MAML3: variants seen among roughly 807,000 people sequenced by gnomAD.
MAML3 encodes the protein mastermind like transcriptional coactivator 3.
In MAML3, 27 loss-of-function variants were observed where a neutral mutation model predicts 101.9. The ratio of observed to expected loss-of-function variants is 0.27; its 90% confidence interval spans 0.20 to 0.37. The LOEUF is 0.37. Ranked by LOEUF, MAML3 falls within the 10% of genes least tolerant of loss-of-function variation. The probability of loss-of-function intolerance (pLI) is 1.00; values close to 1 mark genes in which losing one functional copy is unlikely to be tolerated. For missense variants in MAML3, 1,316 were observed against 1,444.9 expected (o/e 0.91, Z 1.45); for synonymous variants, 501 against 555.9 (o/e 0.90, Z 1.39).
chr4:140,051,116 T>A lies in MAML3; in HGVS notation c.468+101744A>T, dbSNP rs181944601. Reference sequence around the variant, plus strand: ...TACTTCTCTGAAGGCATAGCAAAAATTCCTCTATGTTGAGGACAATATCTA... The same window carrying A: ...TACTTCTCTGAAGGCATAGCAAAAAATCCTCTATGTTGAGGACAATATCTA... On this transcript the variant is annotated intron_variant, in intron 1 of 4. Coordinates refer to ENST00000509479, the MANE Select transcript of MAML3 (RefSeq NM_018717.5). Among the ~76,000 whole-genome samples, 233 of 152,278 alleles carry A rather than the reference T, an allele frequency of 1.5e-3. 1 individual carries two copies. The highest frequency in any genetic ancestry group is 5.2e-3 in the African/African-American group (218 of 41,562).
intron 2 of MAML3, among the ~76,000 whole-genome samples, chr4:139,748,470 C>T (rs953835915): frequency 6.6e-6 from 1 of 152,074 alleles, no homozygotes. Flanking sequence ...AACATCAAAA[C>T]GTACAACAAG....
At chr4:140,025,343 G>A (rs898435958) in intron 1 of MAML3, among the ~76,000 whole-genome samples, 2 of 152,162 alleles carry the variant, frequency 1.3e-5, no homozygotes, top group Admixed American at 6.5e-5. Flanking sequence ...AAAAGAGGGA[G>A]ACGACAGATG....
intron 1 of MAML3, among the ~76,000 whole-genome samples, chr4:139,909,784 C>T (rs1032570276): frequency 7.3e-6 from 1 of 137,132 alleles, no homozygotes; most frequent in African/African-American, 2.6e-5. Flanking sequence ...TTGTGGTGAG[C>T]CGAGATCACC....
chr4:139,823,241 G>A lies in MAML3; in HGVS notation c.2079+66116C>T, dbSNP rs867647929. Among the ~76,000 whole-genome samples, 9 of 152,290 alleles carry A rather than the reference G, an allele frequency of 5.9e-5. No individual in the cohort carries two copies. The South Asian group carries it at 1.2e-3, about 21-fold the overall frequency. On this transcript the variant is annotated intron_variant, in intron 2 of 4. Coordinates refer to ENST00000509479, the MANE Select transcript of MAML3 (RefSeq NM_018717.5). ...AGATAAGTTTCACACAGAAGGTTACGTGATGGACCACTGACAAAGGCAGAA... is the reference window on the plus strand; with the variant it reads ...AGATAAGTTTCACACAGAAGGTTACATGATGGACCACTGACAAAGGCAGAA...
intron 2 of MAML3, among the ~76,000 whole-genome samples, chr4:139,883,154 G>T (rs1040964668): frequency 6.6e-6 from 1 of 152,164 alleles, no homozygotes; most frequent in African/African-American, 2.4e-5. Flanking sequence ...AAAACTGCAG[G>T]ACAGAAGTGG....
At chr4:139,816,106 AGAGATGTT>A (rs1247236814) in intron 2 of MAML3, among the ~76,000 whole-genome samples, 2 of 152,162 alleles carry the variant, frequency 1.3e-5, no homozygotes, top group Non-Finnish European at 2.9e-5. Flanking sequence ...AGATAAAAAT[AGAGATGTT>A]GATTGCATTG....
intron 1 of MAML3, among the ~76,000 whole-genome samples, chr4:139,989,868 C>A: frequency 1.1e-5 from 1 of 89,342 alleles, no homozygotes; most frequent in South Asian, 5.5e-4. Flanking sequence ...CACACACACA[C>A]ACACACACAC....
intron 2 of MAML3, among the ~76,000 whole-genome samples, chr4:139,846,492 C>T (rs1291452946): frequency 6.6e-6 from 1 of 152,106 alleles, no homozygotes; most frequent in Admixed American, 6.5e-5. Flanking sequence ...GGACTATAGG[C>T]GTGCACCACC....
At chr4:139,885,950 A>AAAAAAAAG (rs1560824557) in intron 2 of MAML3, among the ~76,000 whole-genome samples, 1 of 144,272 alleles carries the variant, frequency 6.9e-6, no homozygotes, top group Non-Finnish European at 1.5e-5. Context: ...AAAAAAAAAA[A>AAAAAAAAG]AAAAAAAGAA....
chr4:139,985,801 C>T (rs1471761831), intron 1 of MAML3, among the ~76,000 whole-genome samples: 2 of 152,220 alleles, frequency 1.3e-5, no homozygotes, highest in Admixed American at 6.5e-5. Flanking sequence ...GTGCTACAGA[C>T]ACCAGGGAGA....
chr4:139,996,469 C>T (rs12646972), intron 1 of MAML3, among the ~76,000 whole-genome samples: 141,860 of 152,156 alleles, frequency 0.93, 66,954 homozygotes, highest in East Asian at 1. Context: ...TTAATAAATA[C>T]ATAGTTGGTG....
intron 2 of MAML3, among the ~76,000 whole-genome samples, chr4:139,869,290 G>A (rs879496608): frequency 5.9e-5 from 9 of 152,326 alleles, no homozygotes; most frequent in Non-Finnish European, 1.2e-4. Flanking sequence ...CTTTACTCCA[G>A]TTGACAAGCA....
chr4:140,066,031 T>C (rs1727531719), intron 1 of MAML3, among the ~76,000 whole-genome samples: 1 of 152,210 alleles, frequency 6.6e-6, no homozygotes. Flanking sequence ...TGCACACTGT[T>C]ACTGGTGACT....
intron 2 of MAML3, among the ~76,000 whole-genome samples, chr4:139,824,746 C>A (rs1731030774): frequency 6.6e-6 from 1 of 152,162 alleles, no homozygotes; most frequent in African/African-American, 2.4e-5. Context: ...GACTTTTTAG[C>A]ATGACAATAT....
chr4:140,151,940 C>T (rs1487385980), intron 1 of MAML3, among the ~76,000 whole-genome samples: 1 of 152,308 alleles, frequency 6.6e-6, no homozygotes, highest in Non-Finnish European at 1.5e-5. Flanking sequence ...TAAGCAGGCC[C>T]CCAAAGTTGG....
intron 1 of MAML3, among the ~76,000 whole-genome samples, chr4:140,006,174 A>C (rs1049141449): frequency 6.6e-6 from 1 of 152,158 alleles, no homozygotes; most frequent in African/African-American, 2.4e-5. Flanking sequence ...AAGATGCCAA[A>C]ACATATGCTT....
chr4:139,762,542 C>T (rs1331599700), intron 2 of MAML3, among the ~76,000 whole-genome samples: 1 of 152,092 alleles, frequency 6.6e-6, no homozygotes, highest in Non-Finnish European at 1.5e-5. Context: ...CCCAAAGAGG[C>T]CCCCAACCTA....
At chr4:139,790,242 T>TATAA (rs1491569003) in intron 2 of MAML3, among the ~76,000 whole-genome samples, 28 of 140,500 alleles carry the variant, frequency 2.0e-4, no homozygotes, top group East Asian at 1.6e-3. Flanking sequence ...TATATATATA[T>TATAA]AAATAAATAT....
Position 139,835,995 on chromosome 4 carries a change from G to T in MAML3, c.2079+53362C>A, listed in dbSNP as rs186018829. ...GTGCCTGGTGAGGGGTCTGGGGACT[G>T]CACCACAGGGGGCCAATGGGACTGT... is the stretch of plus-strand genomic sequence containing the variant. On this transcript the variant is annotated intron_variant, in intron 2 of 4. Coordinates refer to ENST00000509479, the MANE Select transcript of MAML3 (RefSeq NM_018717.5). Among the ~76,000 whole-genome samples, 6 of 152,316 alleles carry T rather than the reference G, an allele frequency of 3.9e-5. No homozygotes were observed. In the East Asian group the frequency reaches 1.2e-3, roughly 29 times the overall value.
Sources: allele counts gnomAD v4.1 joint callset (sites outside exome capture counted in the v4.1 genomes callset), GRCh38; gene constraint gnomAD v4.1.1; transcripts MANE v1.5; gene names NCBI Gene and HGNC (gene_info 2026-07-23, HGNC 2026-07-21).